Variants in TDRD7 observed in about 807,000 individuals in gnomAD.
TDRD7 encodes the protein tudor domain-containing protein 7.
A neutral mutation model predicts 109.8 loss-of-function variants in TDRD7; 47 were observed. That is an observed-to-expected ratio of 0.43 (90% CI 0.34 to 0.55). The LOEUF (loss-of-function observed/expected upper bound fraction) is 0.55. Among genes scored for constraint, TDRD7 ranks in the 20% least tolerant of loss-of-function variants. TDRD7 has a pLI of 0.03. For synonymous variants in TDRD7, 424 were observed against 457.3 expected, an observed-to-expected ratio of 0.93 and a Z score of 0.93; for missense variants, 1,164 against 1,319.2, an observed-to-expected ratio of 0.88 and a Z score of 1.82.
intron 6 of TDRD7, among the ~76,000 whole-genome samples, chr9:97,444,140 G>GT (rs547318870): frequency 7.9e-5 from 12 of 152,120 alleles, no homozygotes; most frequent in East Asian, 7.7e-4. Context: ...ACAACTGACT[G>GT]TTTTTTTGGT....
chr9:97,440,983 T>C (rs1297472771), intron 5 of TDRD7, among the ~76,000 whole-genome samples: 1 of 152,188 alleles, frequency 6.6e-6, no homozygotes, highest in East Asian at 1.9e-4. Flanking sequence ...GCCAAAACTT[T>C]ATAAATACAC....
chr9:97,466,886 A>G (rs1013359853), intron 8 of TDRD7, among the ~76,000 whole-genome samples: 9 of 152,218 alleles, frequency 5.9e-5, no homozygotes, highest in African/African-American at 2.2e-4. Context: ...ATGGATGTAT[A>G]CATTGATCAA....
intron 7 of TDRD7, among the ~76,000 whole-genome samples, chr9:97,464,590 T>C (rs1828791293): frequency 6.6e-6 from 1 of 152,134 alleles, no homozygotes; most frequent in South Asian, 2.1e-4. Flanking sequence ...ACTCCTGACC[T>C]TGTGATCTGC....
intron 12 of TDRD7, 133 bp from the exon 13 acceptor site, chr9:97,478,306 T>C: frequency 1.3e-6 from 1 of 795,794 alleles, no homozygotes; most frequent in East Asian, 2.7e-5. Flanking sequence ...ACATTTTAAA[T>C]TAGGGGAAAA....
intron 6 of TDRD7, among the ~76,000 whole-genome samples, chr9:97,458,500 A>G (rs1016967961): frequency 9.2e-5 from 14 of 152,156 alleles, no homozygotes; most frequent in African/African-American, 3.4e-4. Flanking sequence ...TGCTCCAACT[A>G]TTTGTGTCCC....
chr9:97,429,627 T>A (rs1433429250), intron 2 of TDRD7, among the ~76,000 whole-genome samples: 1 of 152,216 alleles, frequency 6.6e-6, no homozygotes, highest in African/African-American at 2.4e-5. Flanking sequence ...ATTAATTAAA[T>A]GTTATATGAA....
intron 15 of TDRD7, 122 bp downstream of exon 15, chr9:97,483,473 AAC>A (rs1299944753): frequency 3.0e-5 from 36 of 1,201,194 alleles, no homozygotes; most frequent in African/African-American, 1.5e-4. Context: ...ATGTGAAACA[AAC>A]ACAGTAATTT....
chr9:97,417,677 G>T (rs1360521621), intron 1 of TDRD7, among the ~76,000 whole-genome samples: 9 of 152,302 alleles, frequency 5.9e-5, no homozygotes, highest in Middle Eastern at 3.4e-3. Context: ...CATTAAACTT[G>T]CGGAACACAA....
Position 97,431,524 on chromosome 9 carries a change from T to C in TDRD7, c.349+450T>C, listed in dbSNP as rs112604065. On this transcript the variant is annotated intron_variant, in intron 3 of 16. Coordinates refer to ENST00000355295, the MANE Select transcript of TDRD7 (RefSeq NM_014290.3). ...TCAGCCTTTGTTTACCGAACACTTA[T>C]CTCAAGGATCTTACAATCAGTTCTA... Among the ~76,000 whole-genome samples, 13 of 152,278 alleles carry C rather than the reference T, an allele frequency of 8.5e-5. 2 individuals carry two copies. Among genetic ancestry groups the C allele is most frequent in the African/African-American group, 3.1e-4 (13 of 41,576 alleles).
chr9:97,483,481 A>C, intron 15 of TDRD7, 130 bp downstream of exon 15: 2 of 1,145,802 alleles, frequency 1.7e-6, no homozygotes, highest in South Asian at 3.3e-5. Context: ...CAAACACAGT[A>C]ATTTTTCCGA....
intron 6 of TDRD7, among the ~76,000 whole-genome samples, chr9:97,456,801 A>G (rs909008774): frequency 1.3e-5 from 2 of 152,246 alleles, no homozygotes; most frequent in African/African-American, 2.4e-5. Context: ...AGCAATTGCA[A>G]CAAAAGCCAA....
chr9:97,474,573 A>C (rs879405580), intron 11 of TDRD7, among the ~76,000 whole-genome samples: 1 of 152,178 alleles, frequency 6.6e-6, no homozygotes, highest in Non-Finnish European at 1.5e-5. Flanking sequence ...ACCCGCATTC[A>C]AAGTACAGTC....
chr9:97,418,513 G>A (rs1227208531), intron 1 of TDRD7, among the ~76,000 whole-genome samples: 1 of 152,032 alleles, frequency 6.6e-6, no homozygotes, highest in East Asian at 1.9e-4. Context: ...GGGACAAGAG[G>A]AAGACTCTAC....
intron 6 of TDRD7, among the ~76,000 whole-genome samples, chr9:97,452,621 G>C (rs1828519365): frequency 6.6e-6 from 1 of 152,196 alleles, no homozygotes; most frequent in African/African-American, 2.4e-5. Context: ...ATGATTATTT[G>C]GCTATGGTTT....
intron 15 of TDRD7, among the ~76,000 whole-genome samples, chr9:97,483,757 T>C (rs991910657): frequency 6.6e-6 from 1 of 152,038 alleles, no homozygotes; most frequent in Non-Finnish European, 1.5e-5. Context: ...TTAAACTACT[T>C]ATGTATTTCC....
In TDRD7 at chr9:97,495,883, A is replaced by G. The variant is rs1156885593; in HGVS notation, c.3297A>G (p.Ter1099=). 1.2e-6 allele frequency: 2 copies of G among 1,612,558 alleles called. No homozygotes were observed. Among genetic ancestry groups the G allele is most frequent in the Non-Finnish European group, 1.7e-6 (2 of 1,178,684 alleles). ...EYLIELSKVN[*] ...TGATAGAGCTTTCAAAAGTTAATTA[A>G]TGACTGCCTCTGAAACCTTGACAAC... is the stretch of plus-strand genomic sequence containing the variant. Residue 1099 remains the stop codon, a stop_retained_variant, in exon 17 of 17, where the codon TAA becomes TAG. Coordinates refer to ENST00000355295, the MANE Select transcript of TDRD7 (RefSeq NM_014290.3).
intron 6 of TDRD7, among the ~76,000 whole-genome samples, chr9:97,447,157 G>A (rs766957485): frequency 2.0e-5 from 3 of 152,176 alleles, no homozygotes; most frequent in Non-Finnish European, 2.9e-5. Flanking sequence ...GAATAGCGAA[G>A]TTGAGGAATA....
Position 97,432,240 on chromosome 9 carries a change from T to C in TDRD7, c.563+2T>C. 1 of 1,613,350 alleles carries C rather than the reference T, an allele frequency of 6.2e-7. No homozygotes were observed. On this transcript the variant is annotated splice_donor_variant, in intron 4 of 16. Transcript: ENST00000355295. LOFTEE classifies it high-confidence loss of function. The stretch of plus-strand genomic sequence containing the variant: ...TGTGACCATGTCCACCAACAACAGG[T>C]ATTTGGCCTCTGACTCACAGAAGTT...
chr9:97,456,862 A>G (rs933257906), intron 6 of TDRD7, among the ~76,000 whole-genome samples: 4 of 152,260 alleles, frequency 2.6e-5, no homozygotes, highest in East Asian at 1.9e-4. Flanking sequence ...AAAAGAAGCT[A>G]TCATCAGAGT....
Sources: allele counts gnomAD v4.1 joint callset (sites outside exome capture counted in the v4.1 genomes callset), GRCh38; gene constraint gnomAD v4.1.1; transcripts MANE v1.5; gene names NCBI Gene and HGNC (gene_info 2026-07-23, HGNC 2026-07-21).